Variants in CBLB observed in about 807,000 individuals in gnomAD.
CBLB encodes the protein Cbl proto-oncogene B, also known as E3 ubiquitin-protein ligase CBL-B.
Under a neutral mutation model 104.9 loss-of-function variants are expected in CBLB, and 31 were observed. The observed-to-expected ratio is 0.30, with a 90% CI of 0.22 to 0.40. The LOEUF (loss-of-function observed/expected upper bound fraction) is 0.40. CBLB is among the 10% of genes least tolerant of loss of function. The pLI is 1.00. For synonymous variants in CBLB, 440 were observed against 422.6 expected (o/e 1.04, Z -0.51); for missense variants, 1,062 against 1,214.6 (o/e 0.87, Z 1.87).
chr3:105,725,177 A>C (rs979137880), intron 9 of CBLB, among the ~76,000 whole-genome samples: 2 of 152,216 alleles, frequency 1.3e-5, no homozygotes, highest in Non-Finnish European at 2.9e-5. Context: ...GAAAAGTTTC[A>C]GCTCTTTAAC....
At chr3:105,692,050 A>C (rs570903499) in intron 13 of CBLB, among the ~76,000 whole-genome samples, 1 of 152,290 alleles carries the variant, frequency 6.6e-6, no homozygotes, top group East Asian at 1.9e-4. Context: ...GTAGACTGTA[A>C]ATTTCTGGGG....
intron 3 of CBLB, among the ~76,000 whole-genome samples, chr3:105,822,460 G>C (rs1377531132): frequency 6.6e-6 from 1 of 152,078 alleles, no homozygotes; most frequent in Admixed American, 6.6e-5. Context: ...TTATGAATTG[G>C]ATCTCCCTCT....
chr3:105,869,438 T>C, upstream of CBLB: 1 of 1,316,508 alleles, frequency 7.6e-7, no homozygotes, highest in Non-Finnish European at 1.0e-6. Flanking sequence ...CCTAGTCTTT[T>C]GTTTCATAGC....
chr3:105,747,191 G>A (rs1334698636), intron 5 of CBLB, among the ~76,000 whole-genome samples: 1 of 152,060 alleles, frequency 6.6e-6, no homozygotes, highest in Non-Finnish European at 1.5e-5. Context: ...TAAGGCTGAC[G>A]CTACATTTAT....
intron 3 of CBLB, among the ~76,000 whole-genome samples, chr3:105,792,266 A>G (rs1056015120): frequency 4.6e-5 from 7 of 152,206 alleles, no homozygotes; most frequent in Non-Finnish European, 7.3e-5. Flanking sequence ...AGCATCTTCA[A>G]GATCTCAGTA....
At chr3:105,680,049 A>T (rs1221680861) in intron 16 of CBLB, among the ~76,000 whole-genome samples, 2 of 152,084 alleles carry the variant, frequency 1.3e-5, no homozygotes, top group East Asian at 1.9e-4. Flanking sequence ...AAAGGAGCTT[A>T]AAAAAAAGCT....
chr3:105,727,923 C>T (rs936052804), intron 9 of CBLB, among the ~76,000 whole-genome samples: 3 of 152,152 alleles, frequency 2.0e-5, no homozygotes, highest in African/African-American at 7.2e-5. Context: ...GGTACCAGTA[C>T]CATGCTGTTT....
In CBLB at chr3:105,656,332, C is replaced by CT. The variant is rs2063342633; in HGVS notation, c.*2637dup. 4.9e-6 allele frequency: 1 copy of CT among 203,212 alleles called. No individual in the cohort carries two copies. The highest frequency in any genetic ancestry group is 2.3e-5 in the African/African-American group (1 of 43,522). 12.6% of individuals were successfully genotyped at this position (203,212 alleles called of 1,614,324 possible). A position where few individuals can be genotyped will look rare whatever the true frequency, so the allele number is the denominator to read the frequency against. ...CTTGAGAAATGGAAGGAATGTCTAACTTTTTGGATCACAGTGAAACAAAGT... is the reference window on the plus strand; with the variant it reads ...CTTGAGAAATGGAAGGAATGTCTAACTTTTTTGGATCACAGTGAAACAAAGT... On this transcript the variant is annotated 3_prime_UTR_variant, in exon 19 of 19. Coordinates refer to ENST00000394030, the MANE Select transcript of CBLB (RefSeq NM_170662.5).
chr3:105,726,984 G>A (rs1285174240), intron 9 of CBLB, among the ~76,000 whole-genome samples: 10 of 152,118 alleles, frequency 6.6e-5, no homozygotes, highest in Admixed American at 5.2e-4. Context: ...CCAAGTCTTT[G>A]CTCTTGTGAA....
Position 105,867,070 on chromosome 3 carries a change from T to C in CBLB, c.168+340A>G, listed in dbSNP as rs367618785. ...TAAATAACCTGCTGGTACTCTTTTG[T>C]TATCTAAGAGCAACACAACCTCACA... On this transcript the variant is annotated intron_variant, in intron 2 of 18. Coordinates refer to ENST00000394030, the MANE Select transcript of CBLB (RefSeq NM_170662.5). Among the ~76,000 whole-genome samples the C allele has an allele frequency of 8.5e-5, 13 of 152,344 alleles. No homozygotes were observed. In the East Asian group the frequency reaches 2.3e-3, roughly 27 times the overall value.
rs2074644735 is a variant in CBLB at position 105,734,156 on chromosome 3, G to A, written c.1072-16C>T. The A allele has an allele frequency of 6.2e-7, 1 of 1,612,752 alleles. No individual in the cohort carries two copies. The highest frequency in any genetic ancestry group is 8.5e-7 in the Non-Finnish European group (1 of 1,178,840). ...CATATTGTTCCTGGAATTTGGGGAG[G>A]AGGGAGAAAGTAATGTTAATGTATT... On this transcript the variant is annotated splice_polypyrimidine_tract_variant and intron_variant, in intron 8 of 18. Transcript: ENST00000394030.
intron 3 of CBLB, among the ~76,000 whole-genome samples, chr3:105,831,009 AC>A (rs1189614170): frequency 1.3e-5 from 2 of 152,160 alleles, no homozygotes; most frequent in African/African-American, 4.8e-5. Context: ...AAAATGCAAA[AC>A]CTTGTCATTT....
At position 105,754,667 on chromosome 3, in the gene CBLB, CT is replaced by C. The variant is rs562498883; in HGVS notation, c.567-3050del. Reference sequence around the variant, plus strand: ...ACCACTTAAGTTGCAGGCTGAATCGCTTTTAAAATACAGTGAACAAGTATAA... The same window carrying C: ...ACCACTTAAGTTGCAGGCTGAATCGCTTTAAAATACAGTGAACAAGTATAA... On this transcript the variant is annotated intron_variant, in intron 4 of 18. Transcript: ENST00000394030. Among the ~76,000 whole-genome samples the C allele has an allele frequency of 3.6e-4, 55 of 152,218 alleles. 2 individuals carry two copies. In the South Asian group the frequency reaches 0.011, roughly 31 times the overall value.
In CBLB at chr3:105,725,014, T is replaced by A. The variant is rs1214268790; in HGVS notation, c.1204-4764A>T. Among the ~76,000 whole-genome samples, 4 of 152,268 alleles carry A rather than the reference T, an allele frequency of 2.6e-5. No individual in the cohort carries two copies. The South Asian group carries it at 8.3e-4, about 32-fold the overall frequency. Reference sequence around the variant, plus strand: ...CATGTAGTGGTTTTTCAATCTCAGATTCATAGTCAAGGTTAAAATAAAGGT... The same window carrying A: ...CATGTAGTGGTTTTTCAATCTCAGAATCATAGTCAAGGTTAAAATAAAGGT... On this transcript the variant is annotated intron_variant, in intron 9 of 18. Coordinates refer to ENST00000394030, the MANE Select transcript of CBLB (RefSeq NM_170662.5).
intron 3 of CBLB, among the ~76,000 whole-genome samples, chr3:105,850,977 A>G (rs2090868945): frequency 6.6e-6 from 1 of 152,152 alleles, no homozygotes; most frequent in Admixed American, 6.5e-5. Flanking sequence ...AAAGTTTCTT[A>G]TGTGCTTTCT....
intron 3 of CBLB, among the ~76,000 whole-genome samples, chr3:105,831,967 A>G (rs1391940731): frequency 6.6e-6 from 1 of 152,208 alleles, no homozygotes. Context: ...CAGTTAAGAA[A>G]AGAAGGTTGC....
intron 13 of CBLB, among the ~76,000 whole-genome samples, chr3:105,687,622 G>A (rs1483950074): frequency 6.6e-6 from 1 of 151,792 alleles, no homozygotes; most frequent in Non-Finnish European, 1.5e-5. Flanking sequence ...AAATACTTAG[G>A]TGTTCCATTT....
chr3:105,838,065 T>C (rs1033875530), intron 3 of CBLB, among the ~76,000 whole-genome samples: 2 of 138,256 alleles, frequency 1.4e-5, no homozygotes, highest in South Asian at 2.3e-4. Context: ...GCCTATTACC[T>C]TTTTTTTTCC....
At chr3:105,844,311 G>A (rs961188930) in intron 3 of CBLB, among the ~76,000 whole-genome samples, 1 of 152,154 alleles carries the variant, frequency 6.6e-6, no homozygotes, top group African/African-American at 2.4e-5. Context: ...CCCAGTATGT[G>A]GTACTTCGTT....
Sources: gnomAD v4.1 joint callset for allele counts (sites outside exome capture counted in the v4.1 genomes callset) on GRCh38, gnomAD v4.1.1 for gene constraint, MANE v1.5 for transcripts, NCBI Gene and HGNC (gene_info 2026-07-23, HGNC 2026-07-21) for gene names.